LINGO2: variants seen among roughly 807,000 people sequenced by gnomAD.
LINGO2 encodes leucine rich repeat and Ig domain containing 2.
In LINGO2, 14 loss-of-function variants were observed where a neutral mutation model predicts 30.6. The observed-to-expected ratio is 0.46, with a 90% CI of 0.30 to 0.72. The LOEUF (loss-of-function observed/expected upper bound fraction) is 0.72, where lower values mean the gene tolerates loss of function less well. LINGO2 is among the 30% of genes least tolerant of loss of function. LINGO2 has a pLI of 0.07. For synonymous variants in LINGO2, 317 were observed against 288.5 expected, an observed-to-expected ratio of 1.10 and a Z score of -1.00; for missense variants, 729 against 751.7, an observed-to-expected ratio of 0.97 and a Z score of 0.35.
intron 1 of LINGO2, among the ~76,000 whole-genome samples, chr9:28,667,462 C>T (rs1828848468): frequency 6.6e-6 from 1 of 151,754 alleles, no homozygotes; most frequent in Non-Finnish European, 1.5e-5. Flanking sequence ...TTCAAATTCC[C>T]ACTGGGCACG....
the LINGO2 span, among the ~76,000 whole-genome samples, chr9:28,862,248 A>G: frequency 6.6e-6 from 1 of 152,142 alleles, no homozygotes; most frequent in Non-Finnish European, 1.5e-5. Context: ...CCTATGAAAA[A>G]TAAGGTTACA....
At chr9:28,843,404 T>G in the LINGO2 span, among the ~76,000 whole-genome samples, 1 of 151,968 alleles carries the variant, frequency 6.6e-6, no homozygotes, top group Non-Finnish European at 1.5e-5. Flanking sequence ...ACTTTTCTTG[T>G]ATAGAGGCTT....
At chr9:29,174,907 G>A in the LINGO2 span, among the ~76,000 whole-genome samples, 1 of 152,168 alleles carries the variant, frequency 6.6e-6, no homozygotes, top group South Asian at 2.1e-4. Context: ...TATGGAATGG[G>A]CCAGACCAGG....
At chr9:28,664,038 G>A (rs1588043789) in intron 1 of LINGO2, among the ~76,000 whole-genome samples, 2 of 152,100 alleles carry the variant, frequency 1.3e-5, no homozygotes, top group Middle Eastern at 3.2e-3. Flanking sequence ...GTAAATAGAA[G>A]TAAGAAATTA....
upstream of LINGO2, among the ~76,000 whole-genome samples, chr9:28,671,561 T>G (rs776019454): frequency 1.3e-3 from 180 of 143,678 alleles, no homozygotes; most frequent in Non-Finnish European, 2.2e-3. Context: ...ACATACCACA[T>G]GTTCTCACTT....
At chr9:29,191,006 T>C in the LINGO2 span, among the ~76,000 whole-genome samples, 4 of 152,164 alleles carry the variant, frequency 2.6e-5, no homozygotes, top group African/African-American at 9.7e-5. Context: ...AGTGTCAATT[T>C]TGAACAATGT....
intron 1 of LINGO2, among the ~76,000 whole-genome samples, chr9:28,556,461 A>G (rs1445155266): frequency 2.0e-5 from 3 of 152,074 alleles, no homozygotes; most frequent in African/African-American, 4.8e-5. Flanking sequence ...ACCTCTTCAA[A>G]GAGAACGACA....
intron 4 of LINGO2, among the ~76,000 whole-genome samples, chr9:28,074,307 C>T (rs1156335430): frequency 6.6e-6 from 1 of 152,078 alleles, no homozygotes; most frequent in Non-Finnish European, 1.5e-5. Context: ...GCTAATATCT[C>T]TGTAATGATA....
At chr9:28,550,526 A>G (rs1043483013) in intron 1 of LINGO2, among the ~76,000 whole-genome samples, 4 of 151,798 alleles carry the variant, frequency 2.6e-5, no homozygotes, top group African/African-American at 7.2e-5. Context: ...TTATTTTATT[A>G]TATCTTTCAA....
At chr9:28,961,771 C>T in the LINGO2 span, among the ~76,000 whole-genome samples, 1 of 152,140 alleles carries the variant, frequency 6.6e-6, no homozygotes, top group Admixed American at 6.6e-5. Flanking sequence ...TTTCTCTGTG[C>T]TTTGCTTTTC....
At chr9:28,185,743 AT>A (rs1268818190) in intron 4 of LINGO2, among the ~76,000 whole-genome samples, 1 of 152,086 alleles carries the variant, frequency 6.6e-6, no homozygotes, top group African/African-American at 2.4e-5. Context: ...ACTCCTAGGG[AT>A]TTACAGTCCA....
At chr9:28,845,574 A>G in the LINGO2 span, among the ~76,000 whole-genome samples, 216 of 151,980 alleles carry the variant, frequency 1.4e-3, 8 homozygotes, top group African/African-American at 4.9e-3. Flanking sequence ...CAGTGTGGGG[A>G]AGTGAAGAGA....
chr9:28,545,804 C>T (rs1821910086), intron 1 of LINGO2, among the ~76,000 whole-genome samples: 1 of 151,968 alleles, frequency 6.6e-6, no homozygotes, highest in African/African-American at 2.4e-5. Context: ...TTGGAAAAGC[C>T]TTTACATTTT....
chr9:28,921,695 G>T, the LINGO2 span, among the ~76,000 whole-genome samples: 3 of 152,078 alleles, frequency 2.0e-5, no homozygotes, highest in Admixed American at 6.6e-5. Context: ...AAACCAGCAC[G>T]TCAGTAACTT....
the LINGO2 span, among the ~76,000 whole-genome samples, chr9:29,013,969 G>A: frequency 6.6e-6 from 1 of 151,884 alleles, no homozygotes; most frequent in African/African-American, 2.4e-5. Flanking sequence ...CTTGCCTTCT[G>A]CACATTTGAC....
At chr9:28,445,032 C>T (rs1824367405) in intron 2 of LINGO2, among the ~76,000 whole-genome samples, 1 of 152,186 alleles carries the variant, frequency 6.6e-6, no homozygotes, top group African/African-American at 2.4e-5. Flanking sequence ...CACCCAAGAA[C>T]ACTACCTCAC....
At chr9:28,847,961 AC>A in the LINGO2 span, among the ~76,000 whole-genome samples, 1 of 80,068 alleles carries the variant, frequency 1.2e-5, no homozygotes, top group Admixed American at 1.6e-4. Flanking sequence ...ATATATACAC[AC>A]ATATATATGT....
chr9:28,500,815 A>G (rs1587764128), intron 1 of LINGO2, among the ~76,000 whole-genome samples: 1 of 152,152 alleles, frequency 6.6e-6, no homozygotes, highest in Non-Finnish European at 1.5e-5. Flanking sequence ...AAGAATAAGA[A>G]AAGTAAAAAA....
chr9:28,990,689 C>T, the LINGO2 span, among the ~76,000 whole-genome samples: 169 of 152,240 alleles, frequency 1.1e-3, no homozygotes, highest in Middle Eastern at 0.014. Flanking sequence ...CAGCAGCATT[C>T]GCGGTTCACG....
Sources: gnomAD v4.1 joint callset for allele counts (sites outside exome capture counted in the v4.1 genomes callset) on GRCh38, gnomAD v4.1.1 for gene constraint, MANE v1.5 for transcripts, NCBI Gene and HGNC (gene_info 2026-07-23, HGNC 2026-07-21) for gene names.